KRT13: variants seen among roughly 807,000 people sequenced by gnomAD.
KRT13 encodes the protein keratin 13.
KRT13 carries 27 observed loss-of-function variants against 40.6 expected under a neutral mutation model. The observed-to-expected ratio is 0.67, with a 90% CI of 0.49 to 0.92. The LOEUF is 0.92. Among genes scored for constraint, KRT13 ranks in the 40% least tolerant of loss-of-function variants. KRT13 has a pLI of 0.00. For missense variants in KRT13, 605 were observed against 611.5 expected (o/e 0.99, Z 0.11); for synonymous variants, 266 against 240.3 (o/e 1.11, Z -0.99).
In KRT13 at chr17:41,503,366, G is replaced by A; in HGVS notation, c.656C>T (p.Thr219Ile). Reference sequence around the variant, plus strand: ...CATCTCCAGGTCAGTCTTAGACAGAGTGAGCTCATCCAGCACCCGGCGCAG... The same window carrying A: ...CATCTCCAGGTCAGTCTTAGACAGAATGAGCTCATCCAGCACCCGGCGCAG... ...NGLRRVLDEL[T>I]LSKTDLEMQI... Residue 219 changes from threonine (T) to isoleucine (I), a missense_variant, in exon 3 of 8, where the codon ACT (threonine) becomes ATT (isoleucine). Thr to Ile is a moderately conservative substitution (Grantham distance 89, BLOSUM62 -1). Coordinates refer to ENST00000246635, the MANE Select transcript of KRT13 (RefSeq NM_153490.3). The A allele has an allele frequency of 6.2e-7, 1 of 1,614,240 alleles. No homozygotes were observed. The highest frequency in any genetic ancestry group is 8.5e-7 in the Non-Finnish European group (1 of 1,180,024).
In KRT13 at chr17:41,503,059, T is replaced by C. The variant is rs1367992084; in HGVS notation, c.775A>G (p.Asn259Asp). The change falls in exon 4 of 8, where the codon AAC becomes GAC. Residue 259 changes from asparagine (N) to aspartate (D), a missense_variant. Transcript: ENST00000246635. ...CCTGGGGTGGCATCCATCTCCACGT[T>C]GACCTGGCCGACCACCTGGTTGCTA... is the stretch of plus-strand genomic sequence containing the variant. ...EFSNQVVGQV[N>D]VEMDATPGID... 2 of 1,614,210 alleles carry C rather than the reference T, an allele frequency of 1.2e-6. No homozygotes were observed. The highest frequency in any genetic ancestry group is 1.7e-6 in the Non-Finnish European group (2 of 1,180,024).
At chr17:41,503,495 T>C in intron 2 of KRT13, 52 bp from the exon 3 acceptor site, 1 of 1,598,438 alleles carries the variant, frequency 6.3e-7, no homozygotes, top group Non-Finnish European at 8.6e-7. Flanking sequence ...ACATAAATGA[T>C]ATGAGACATT....
In KRT13 at chr17:41,503,272, G is replaced by A. The variant is rs376949316; in HGVS notation, c.735+15C>T. ...GAGGTTGTTGAGCCCAGGGCAGCCT[G>A]CAATTCCCGCTCACCTCTTCATGGT... On this transcript the variant is annotated intron_variant, in intron 3 of 7. Coordinates refer to ENST00000246635, the MANE Select transcript of KRT13 (RefSeq NM_153490.3). 1 of 1,614,000 alleles carries A rather than the reference G, an allele frequency of 6.2e-7. No homozygotes were observed. The highest frequency in any genetic ancestry group is 2.2e-5 in the East Asian group (1 of 44,858).
At position 41,505,346 on chromosome 17, in the gene KRT13, GGCCACCTCCATA is replaced by G. The variant is rs778111036; in HGVS notation, c.193_204del (p.Tyr65_Gly68del). The stretch of plus-strand genomic sequence containing the variant: ...AGGCCACCTCCATAGCCACCTCCAA[GGCCACCTCCATA>G]GCCACCTCCAAAGCCACTACCAGCC... On this transcript the variant is annotated inframe_deletion, in exon 1 of 8. Transcript: ENST00000246635. 3 of 1,613,502 alleles carry G rather than the reference GGCCACCTCCATA, an allele frequency of 1.9e-6. No homozygotes were observed. The African/African-American group carries it at 4.0e-5, about 22-fold the overall frequency.
Position 41,502,922 on chromosome 17 carries a change from G to T in KRT13, c.897+15C>A, listed in dbSNP as rs775614888. On this transcript the variant is annotated intron_variant, in intron 4 of 7. Coordinates refer to ENST00000246635, the MANE Select transcript of KRT13 (RefSeq NM_153490.3). ...CTATATGGGATGGGCTATGTGGGGT[G>T]GGAGGGCCGGGTACCTTGGTGTGGA... The T allele has an allele frequency of 2.5e-6, 4 of 1,614,078 alleles. No homozygotes were observed. In the East Asian group the frequency reaches 8.9e-5, roughly 36 times the overall value.
intron 1 of KRT13, among the ~76,000 whole-genome samples, 160 bp from the exon 2 acceptor site, chr17:41,503,885 A>T (rs553607074): frequency 2.6e-5 from 4 of 151,636 alleles, no homozygotes; most frequent in Admixed American, 6.6e-5. Flanking sequence ...AATAAAAAAT[A>T]AAAAAAAACT....
Position 41,503,660 on chromosome 17 carries a change from C to T in KRT13, c.561G>A (p.Ala187=), listed in dbSNP as rs939122495. 1 of 1,613,802 alleles carries T rather than the reference C, an allele frequency of 6.2e-7. No homozygotes were observed. The highest frequency in any genetic ancestry group is 1.3e-5 in the African/African-American group (1 of 74,850). The change falls in exon 2 of 8, where the codon GCG becomes GCA. Residue 187 remains alanine (A), a synonymous_variant. Transcript: ENST00000246635. The part of the protein sequence containing the change: ...ILEIDNARLA[A]DDFRLKYENE... ...AAACTCACTTGAGCCTGAAGTCGTC[C>T]GCAGCCAGCCTGGCATTGTCAATCT...
chr17:41,501,918 G>A (rs1476871466), intron 6 of KRT13, 174 bp from the exon 7 acceptor site: 3 of 1,494,104 alleles, frequency 2.0e-6, no homozygotes, highest in Non-Finnish European at 2.7e-6. Context: ...CACTGGGACT[G>A]TCTGTCTTTC....
chr17:41,503,823 T>A (rs929324335), intron 1 of KRT13, 98 bp from the exon 2 acceptor site: 2 of 872,770 alleles, frequency 2.3e-6, no homozygotes, highest in Non-Finnish European at 3.9e-6. Context: ...GGGCAACACA[T>A]CAAATACGCT....
At position 41,505,068 on chromosome 17, in the gene KRT13, C is replaced by G. The variant is rs757683192; in HGVS notation, c.483G>C (p.Glu161Asp). 1 of 1,614,204 alleles carries G rather than the reference C, an allele frequency of 6.2e-7. No homozygotes were observed. The highest frequency in any genetic ancestry group is 1.1e-5 in the South Asian group (1 of 91,086). ...TCCAAGGGCTCACCTTGTCCCGGAG[C>G]TCTTCAATGGTCTTGTAGTAGGGGC... Reference protein sequence around the residue: ...DYSPYYKTIEELRDKILTATI... With the variant: ...DYSPYYKTIEDLRDKILTATI... The change falls in exon 1 of 8, where the codon GAG becomes GAC. Residue 161 changes from glutamate (E) to aspartate (D), a missense_variant. Coordinates refer to ENST00000246635, the MANE Select transcript of KRT13 (RefSeq NM_153490.3).
intron 6 of KRT13, 132 bp from the exon 7 acceptor site, chr17:41,501,876 C>A: frequency 1.3e-6 from 2 of 1,538,578 alleles, no homozygotes; most frequent in Admixed American, 4.0e-5. Flanking sequence ...CTAGCTGTGC[C>A]CCCAGCTCAA....
chr17:41,503,122 G>A (rs1904927514), intron 3 of KRT13, 24 bp from the exon 4 acceptor site: 1 of 1,613,776 alleles, frequency 6.2e-7, no homozygotes, highest in Non-Finnish European at 8.5e-7. Context: ...AAAGGAAGAT[G>A]TGTGAGGCTA....
Position 41,505,239 on chromosome 17 carries a change from C to G in KRT13, c.312G>C (p.Glu104Asp). Residue 104 changes from glutamate to aspartate, a missense_variant, in exon 1 of 8, where the codon GAG (glutamate) becomes GAC (aspartate). Glu to Asp is a conservative substitution (Grantham distance 45). Transcript: ENST00000246635. Reference sequence around the variant, plus strand: ...CGTTGAGGTTCTGCATGGTGATCTTCTCATTGCCAGTGAGGAGGCCGCCAT... The same window carrying G: ...CGTTGAGGTTCTGCATGGTGATCTTGTCATTGCCAGTGAGGAGGCCGCCAT... ...ACDGGLLTGN[E>D]KITMQNLNDR... 1 of 1,614,156 alleles carries G rather than the reference C, an allele frequency of 6.2e-7. No homozygotes were observed. The highest frequency in any genetic ancestry group is 1.7e-5 in the Admixed American group (1 of 60,020).
intron 7 of KRT13, 143 bp downstream of exon 7, chr17:41,501,576 C>A (rs1337232095): frequency 3.6e-6 from 5 of 1,408,234 alleles, no homozygotes; most frequent in Non-Finnish European, 4.9e-6. Context: ...GAGCGAATGA[C>A]CACTTCCACC....
At chr17:41,501,800 A>T (rs953850574) in intron 6 of KRT13, 56 bp from the exon 7 acceptor site, 5 of 1,570,370 alleles carry the variant, frequency 3.2e-6, no homozygotes, top group Admixed American at 3.7e-5. Context: ...GCAGGTGCTT[A>T]CCTGTTCCTC....
chr17:41,503,903 T>G (rs542552368), intron 1 of KRT13, among the ~76,000 whole-genome samples, 178 bp from the exon 2 acceptor site: 2 of 152,326 alleles, frequency 1.3e-5, no homozygotes, highest in Non-Finnish European at 2.9e-5. Flanking sequence ...ACTCAATGTT[T>G]TAAGAAAGCT....
rs1458787161 is a variant in KRT13, at chr17:41,505,100, C to A, written c.451G>T (p.Asp151Tyr). The A allele has an allele frequency of 6.2e-7, 1 of 1,614,214 alleles. No homozygotes were observed. The highest frequency in any genetic ancestry group is 1.1e-5 in the South Asian group (1 of 91,088). Residue 151 changes from aspartate to tyrosine, a missense_variant, in exon 1 of 8, where the codon GAC (aspartate) becomes TAC (tyrosine). Transcript: ENST00000246635. ...ATGGTCTTGTAGTAGGGGCTGTAGTCCCGCTCAGGGCTAGCTGGGCTCTGC... is the reference window on the plus strand; with the variant it reads ...ATGGTCTTGTAGTAGGGGCTGTAGTACCGCTCAGGGCTAGCTGGGCTCTGC... ...LKQSPASPERDYSPYYKTIEE... is the reference protein window; with the variant it reads ...LKQSPASPERYYSPYYKTIEE...
At chr17:41,503,583 C>T (rs1904946983) in intron 2 of KRT13, 60 bp downstream of exon 2, 2 of 1,568,122 alleles carry the variant, frequency 1.3e-6, no homozygotes, top group South Asian at 1.1e-5. Context: ...GTCAGATGAG[C>T]TTTTGTCTAA....
At chr17:41,503,877 T>TA in intron 1 of KRT13, 152 bp from the exon 2 acceptor site, 1 of 719,516 alleles carries the variant, frequency 1.4e-6, no homozygotes, top group South Asian at 1.5e-5. Flanking sequence ...TTGGCAAAAA[T>TA]AAAAAATAAA....
Sources: gnomAD v4.1 joint callset for allele counts (sites outside exome capture counted in the v4.1 genomes callset) on GRCh38, gnomAD v4.1.1 for gene constraint, MANE v1.5 for transcripts, NCBI Gene and HGNC (gene_info 2026-07-23, HGNC 2026-07-21) for gene names.